Variants in WDR70 observed in about 807,000 individuals in gnomAD.
The protein encoded by WDR70 is WD repeat-containing protein 70.
WDR70 carries 53 observed loss-of-function variants against 88.6 expected under a neutral mutation model. That is an observed-to-expected ratio of 0.60 (90% CI 0.48 to 0.75). The LOEUF is 0.75. Among genes scored for constraint, WDR70 ranks in the 30% least tolerant of loss-of-function variants. The probability of loss-of-function intolerance (pLI) is 0.00; values close to 1 mark genes in which losing one functional copy is unlikely to be tolerated. For synonymous variants in WDR70, 280 were observed against 270.0 expected (o/e 1.04, Z -0.36); for missense variants, 610 against 823.2 (o/e 0.74, Z 3.17).
At chr5:37,391,876 T>C (rs1394446063) in intron 3 of WDR70, 124 bp from the exon 4 acceptor site, 4 of 1,058,612 alleles carry the variant, frequency 3.8e-6, no homozygotes, top group Non-Finnish European at 3.9e-6. Flanking sequence ...AATTTTTTGC[T>C]GTTACTGCTA....
intron 9 of WDR70, among the ~76,000 whole-genome samples, chr5:37,568,124 A>AG (rs1380595121): frequency 6.6e-6 from 1 of 152,186 alleles, no homozygotes; most frequent in African/African-American, 2.4e-5. Context: ...TATTTGCCAT[A>AG]GGACCTCCTC....
Position 37,676,549 on chromosome 5 carries a change from T to C in WDR70, c.1093-21106T>C, listed in dbSNP as rs1312948433. ...GCTGGATTACATTTATTGATTTGCG[T>C]ATATTGAACCAGCCTTGCATCCCAG... is the stretch of plus-strand genomic sequence containing the variant. On this transcript the variant is annotated intron_variant, in intron 10 of 17. Coordinates refer to ENST00000265107, the MANE Select transcript of WDR70 (RefSeq NM_018034.4). 2.0e-5 allele frequency among the ~76,000 whole-genome samples: 3 copies of C among 152,000 alleles called. No individual in the cohort carries two copies. In the East Asian group the frequency reaches 5.8e-4, roughly 29 times the overall value.
rs564404906 is a variant in WDR70 at position 37,518,724 on chromosome 5, GT to G, written c.917+2137del. On this transcript the variant is annotated intron_variant, in intron 9 of 17. Coordinates refer to ENST00000265107, the MANE Select transcript of WDR70 (RefSeq NM_018034.4). ...TAGTATTTATTGATCATTCTTGGGT[GT>G]TTCTCGGAGAGGGGGATGTGGCAGG... Among the ~76,000 whole-genome samples the G allele has an allele frequency of 3.4e-4, 48 of 140,300 alleles. No homozygotes were observed. In the East Asian group the frequency reaches 9.7e-3, roughly 28 times the overall value. 92.0% of individuals were successfully genotyped at this position (140,300 alleles called of 152,430 possible).
At chr5:37,411,018 C>T (rs1490386890) in intron 5 of WDR70, among the ~76,000 whole-genome samples, 3 of 152,216 alleles carry the variant, frequency 2.0e-5, no homozygotes, top group Non-Finnish European at 4.4e-5. Flanking sequence ...AGCTTATGAA[C>T]CTACCTGGCA....
At chr5:37,678,843 A>T (rs1326242675) in intron 10 of WDR70, among the ~76,000 whole-genome samples, 1 of 152,176 alleles carries the variant, frequency 6.6e-6, no homozygotes, top group Non-Finnish European at 1.5e-5. Flanking sequence ...ACTTGGTTCC[A>T]TTCTCCCCGT....
At chr5:37,422,215 T>C (rs1384923678) in intron 5 of WDR70, among the ~76,000 whole-genome samples, 1 of 152,094 alleles carries the variant, frequency 6.6e-6, no homozygotes, top group Non-Finnish European at 1.5e-5. Flanking sequence ...TCTAATTATG[T>C]AAGAAACTTC....
intron 3 of WDR70, among the ~76,000 whole-genome samples, chr5:37,384,668 A>AG (rs1748549043): frequency 6.6e-6 from 1 of 150,504 alleles, no homozygotes; most frequent in South Asian, 2.1e-4. Context: ...CTCAAAAAAA[A>AG]AAAAAAAAAA....
At chr5:37,452,173 A>G (rs1178297808) in intron 7 of WDR70, among the ~76,000 whole-genome samples, 1 of 152,130 alleles carries the variant, frequency 6.6e-6, no homozygotes, top group Non-Finnish European at 1.5e-5. Context: ...AATTTGGTGA[A>G]TGTACAGTAA....
chr5:37,678,009 C>A (rs1393821057), intron 10 of WDR70, among the ~76,000 whole-genome samples: 3 of 152,112 alleles, frequency 2.0e-5, no homozygotes, highest in African/African-American at 7.2e-5. Flanking sequence ...CTCTTTTGAT[C>A]TTTGTTGGTT....
At chr5:37,559,250 G>T (rs901033253) in intron 9 of WDR70, among the ~76,000 whole-genome samples, 16 of 152,142 alleles carry the variant, frequency 1.1e-4, no homozygotes, top group African/African-American at 3.9e-4. Flanking sequence ...GTATTCTTAT[G>T]CTACACTATC....
At chr5:37,547,765 A>G (rs1453608426) in intron 9 of WDR70, among the ~76,000 whole-genome samples, 1 of 152,102 alleles carries the variant, frequency 6.6e-6, no homozygotes, top group African/African-American at 2.4e-5. Context: ...TTTGGTACCC[A>G]TTAATCATCC....
intron 5 of WDR70, among the ~76,000 whole-genome samples, chr5:37,436,897 G>A (rs191712577): frequency 5.3e-4 from 81 of 152,226 alleles, no homozygotes; most frequent in African/African-American, 1.9e-3. Context: ...AGTAGATTGT[G>A]AGATGATTCT....
chr5:37,727,092 A>G, intron 17 of WDR70, 47 bp downstream of exon 17: 1 of 1,573,614 alleles, frequency 6.4e-7, no homozygotes. Flanking sequence ...TGTTTAATGA[A>G]TTGGGGAGAA....
chr5:37,603,189 C>G (rs934456274), intron 9 of WDR70, among the ~76,000 whole-genome samples: 2 of 151,170 alleles, frequency 1.3e-5, no homozygotes, highest in Middle Eastern at 3.4e-3. Context: ...CCCAAATCAC[C>G]AAGGCAGTGA....
chr5:37,666,888 G>A (rs1038759117), intron 10 of WDR70, among the ~76,000 whole-genome samples: 1 of 152,144 alleles, frequency 6.6e-6, no homozygotes, highest in Non-Finnish European at 1.5e-5. Flanking sequence ...GGAAAGTGGG[G>A]ATAATAATAG....
chr5:37,428,630 A>T (rs1373640691), intron 5 of WDR70, among the ~76,000 whole-genome samples: 1 of 152,196 alleles, frequency 6.6e-6, no homozygotes, highest in Non-Finnish European at 1.5e-5. Flanking sequence ...GCTAAGTAGT[A>T]GTATGTTTAT....
intron 5 of WDR70, among the ~76,000 whole-genome samples, chr5:37,434,110 G>A (rs1044435024): frequency 4.6e-5 from 7 of 152,140 alleles, no homozygotes; most frequent in African/African-American, 2.4e-5. Flanking sequence ...TTACAATCAC[G>A]GCAGAAGGCA....
chr5:37,491,825 A>T (rs7733244), intron 8 of WDR70, among the ~76,000 whole-genome samples: 90,784 of 152,056 alleles, frequency 0.6, 28,465 homozygotes, highest in Non-Finnish European at 0.69. Context: ...AACTTAAGGT[A>T]TTAATAATAG....
intron 9 of WDR70, among the ~76,000 whole-genome samples, chr5:37,546,510 T>A (rs949673682): frequency 6.6e-6 from 1 of 152,264 alleles, no homozygotes; most frequent in Non-Finnish European, 1.5e-5. Context: ...GATTATATAC[T>A]GTAGAAGATG....
Sources: gnomAD v4.1 joint callset for allele counts (sites outside exome capture counted in the v4.1 genomes callset) on GRCh38, gnomAD v4.1.1 for gene constraint, MANE v1.5 for transcripts, NCBI Gene and HGNC (gene_info 2026-07-23, HGNC 2026-07-21) for gene names.